ZBTB20: variants seen among roughly 807,000 people sequenced by gnomAD.
ZBTB20 encodes zinc finger and BTB domain containing 20, also known as zinc finger and BTB domain-containing protein 20.
A neutral mutation model predicts 56.9 loss-of-function variants in ZBTB20; 9 were observed. That is an observed-to-expected ratio of 0.16 (90% confidence interval 0.10 to 0.28). The LOEUF (loss-of-function observed/expected upper bound fraction) is 0.28. Ranked by LOEUF, ZBTB20 falls within the 10% of genes least tolerant of loss-of-function variation. The pLI is 1.00. For missense variants in ZBTB20, 655 were observed against 1,003.0 expected, an observed-to-expected ratio of 0.65 and a Z score of 4.69; for synonymous variants, 417 against 420.7, an observed-to-expected ratio of 0.99 and a Z score of 0.11.
chr3:114,992,754 C>T (rs2078870774), intron 2 of ZBTB20, among the ~76,000 whole-genome samples: 1 of 151,396 alleles, frequency 6.6e-6, no homozygotes, highest in South Asian at 2.1e-4. Flanking sequence ...AGCCCAGAGA[C>T]AGAGTAATAA....
intron 6 of ZBTB20, among the ~76,000 whole-genome samples, chr3:114,604,105 C>T (rs987342522): frequency 3.9e-5 from 6 of 151,970 alleles, no homozygotes; most frequent in African/African-American, 1.2e-4. Context: ...AGGTTGTTCA[C>T]TGTAATATTG....
chr3:114,541,851 G>C (rs149267314), intron 6 of ZBTB20, among the ~76,000 whole-genome samples: 260 of 152,210 alleles, frequency 1.7e-3, no homozygotes, highest in African/African-American at 5.9e-3. Context: ...AAACCTCTCT[G>C]AATGTTATTA....
rs766925940 is a variant in ZBTB20 at position 114,316,508 on chromosome 3, CTATA to C, written c.*22493_*22496del. 3.8e-6 allele frequency: 2 copies of C among 529,190 alleles called. No individual in the cohort carries two copies. The highest frequency in any genetic ancestry group is 1.4e-5 in the South Asian group (1 of 70,560). 32.8% of individuals were successfully genotyped at this position (529,190 alleles called of 1,614,324 possible). A position where few individuals can be genotyped will look rare whatever the true frequency, so the allele number is the denominator to read the frequency against. On this transcript the variant is annotated 3_prime_UTR_variant, in exon 12 of 12. Coordinates refer to ENST00000675478, the MANE Select transcript of ZBTB20 (RefSeq NM_001348800.3). ...CACCTATACATGTATAATATATACACTATATATATGTGGATACATATAGGAAGTG... is the reference window on the plus strand; with the variant it reads ...CACCTATACATGTATAATATATACACTATATGTGGATACATATAGGAAGTG...
intron 3 of ZBTB20, among the ~76,000 whole-genome samples, chr3:114,907,382 T>C (rs767474970): frequency 2.0e-4 from 30 of 151,998 alleles, no homozygotes; most frequent in Non-Finnish European, 4.0e-4. Flanking sequence ...CTCATTAAAA[T>C]TGTTTTCTGT....
intron 6 of ZBTB20, among the ~76,000 whole-genome samples, chr3:114,618,493 A>G (rs575570858): frequency 3.9e-5 from 6 of 152,222 alleles, no homozygotes; most frequent in African/African-American, 1.4e-4. Flanking sequence ...CCTGGGCTCA[A>G]GGGATCCTCC....
chr3:114,798,871 T>C (rs560843410), intron 5 of ZBTB20, among the ~76,000 whole-genome samples: 2 of 152,034 alleles, frequency 1.3e-5, no homozygotes, highest in East Asian at 3.9e-4. Flanking sequence ...TCAAGTTTTA[T>C]GAGAGCCTTA....
intron 2 of ZBTB20, among the ~76,000 whole-genome samples, chr3:114,992,025 C>T (rs2078836042): frequency 6.6e-6 from 1 of 151,784 alleles, no homozygotes; most frequent in South Asian, 2.1e-4. Flanking sequence ...TCTTTCTCTC[C>T]TAAACTTTTT....
chr3:115,146,498 A>G (rs2084978514), intron 1 of ZBTB20, among the ~76,000 whole-genome samples: 1 of 152,182 alleles, frequency 6.6e-6, no homozygotes, highest in African/African-American at 2.4e-5. Flanking sequence ...GGAATCAAAA[A>G]GTGTTAACAT....
At chr3:114,985,874 G>T (rs2078519086) in intron 2 of ZBTB20, among the ~76,000 whole-genome samples, 1 of 152,028 alleles carries the variant, frequency 6.6e-6, no homozygotes, top group South Asian at 2.1e-4. Context: ...GCCTTTGCAG[G>T]TCATAAAGTT....
At chr3:115,125,808 C>T (rs1056443903) in intron 1 of ZBTB20, among the ~76,000 whole-genome samples, 10 of 152,032 alleles carry the variant, frequency 6.6e-5, no homozygotes, top group African/African-American at 2.2e-4. Context: ...TAATGTTGTA[C>T]ATTAATGCAC....
chr3:114,511,331 C>G (rs1014762979), intron 6 of ZBTB20, among the ~76,000 whole-genome samples: 6 of 152,214 alleles, frequency 3.9e-5, no homozygotes, highest in African/African-American at 1.2e-4. Flanking sequence ...TCTGTCATCT[C>G]TGTAAGTGAC....
chr3:114,578,479 T>C (rs1178414219), intron 6 of ZBTB20, among the ~76,000 whole-genome samples: 1 of 151,970 alleles, frequency 6.6e-6, no homozygotes, highest in Admixed American at 6.6e-5. Context: ...AGTTCATGAC[T>C]AATAATTCAA....
intron 4 of ZBTB20, among the ~76,000 whole-genome samples, chr3:114,827,941 T>C (rs543477590): frequency 2.0e-5 from 3 of 151,894 alleles, no homozygotes; most frequent in Non-Finnish European, 4.4e-5. Flanking sequence ...TTCACAAATT[T>C]AAGACAGGTA....
intron 4 of ZBTB20, among the ~76,000 whole-genome samples, chr3:114,891,246 C>T (rs1433818253): frequency 6.6e-6 from 1 of 152,052 alleles, no homozygotes; most frequent in African/African-American, 2.4e-5. Flanking sequence ...ACAGGGGATG[C>T]TGAATTTAGA....
At chr3:115,075,799 G>A (rs2082574596) in intron 1 of ZBTB20, among the ~76,000 whole-genome samples, 1 of 151,984 alleles carries the variant, frequency 6.6e-6, no homozygotes, top group Non-Finnish European at 1.5e-5. Flanking sequence ...GAAAGAAAAA[G>A]AAACAAAAGC....
At chr3:115,121,710 T>C (rs189617410) in intron 1 of ZBTB20, among the ~76,000 whole-genome samples, 70 of 152,170 alleles carry the variant, frequency 4.6e-4, no homozygotes, top group Admixed American at 7.2e-4. Context: ...GATGGGCTTA[T>C]CTTCAAGGAA....
chr3:114,511,969 T>C (rs951152571), intron 6 of ZBTB20, among the ~76,000 whole-genome samples: 1 of 152,112 alleles, frequency 6.6e-6, no homozygotes, highest in African/African-American at 2.4e-5. Flanking sequence ...CATCTGGTAA[T>C]TCTGAAAAAA....
chr3:114,951,420 T>C (rs2077063496), intron 3 of ZBTB20, among the ~76,000 whole-genome samples: 1 of 152,094 alleles, frequency 6.6e-6, no homozygotes, highest in Non-Finnish European at 1.5e-5. Context: ...AAAGTGATCT[T>C]ATAGGGTTAC....
rs182159077 is a variant in ZBTB20, at chr3:114,748,638, G to T, written c.-343+52463C>A. Reference sequence around the variant, plus strand: ...AATGGTCCAACTGCATAAAGGCAAAGAGGAAAGCCAGGCTTGGGCACTTCT... The same window carrying T: ...AATGGTCCAACTGCATAAAGGCAAATAGGAAAGCCAGGCTTGGGCACTTCT... On this transcript the variant is annotated intron_variant, in intron 5 of 11. Transcript: ENST00000675478. 2.0e-5 allele frequency among the ~76,000 whole-genome samples: 3 copies of T among 152,196 alleles called. No individual in the cohort carries two copies. The East Asian group carries it at 5.8e-4, about 29-fold the overall frequency.
Sources: allele counts gnomAD v4.1 joint callset (sites outside exome capture counted in the v4.1 genomes callset), GRCh38; gene constraint gnomAD v4.1.1; transcripts MANE v1.5; gene names NCBI Gene and HGNC (gene_info 2026-07-23, HGNC 2026-07-21).